Variants in SYNE2 observed in about 807,000 individuals in gnomAD.
The protein encoded by SYNE2 is spectrin repeat containing nuclear envelope protein 2.
Under a neutral mutation model 856.3 loss-of-function variants are expected in SYNE2, and 431 were observed. The ratio of observed to expected loss-of-function variants is 0.50; its 90% CI spans 0.47 to 0.55. The LOEUF (loss-of-function observed/expected upper bound fraction) is 0.55, where lower values mean the gene tolerates loss of function less well. Ranked by LOEUF, SYNE2 falls within the 20% of genes least tolerant of loss-of-function variation. The pLI is 0.00. For synonymous variants in SYNE2, 2,923 were observed against 2,872.3 expected (o/e 1.02, Z -0.56); for missense variants, 8,129 against 8,023.2 (o/e 1.01, Z -0.50).
Position 64,141,955 on chromosome 14 carries a change from A to G in SYNE2, c.15173A>G (p.Lys5058Arg), listed in dbSNP as rs2098142424. The G allele has an allele frequency of 6.2e-7, 1 of 1,613,930 alleles. No homozygotes were observed. The highest frequency in any genetic ancestry group is 8.5e-7 in the Non-Finnish European group (1 of 1,180,002). ...QEKLHQLQME[K>R]LPSRKAITEM... Reference sequence around the variant, plus strand: ...TTGTTCTTACAGCTTCAAATGGAGAAATTGCCGTCTCGTAAAGCAATCACA... The same window carrying G: ...TTGTTCTTACAGCTTCAAATGGAGAGATTGCCGTCTCGTAAAGCAATCACA... The change falls in exon 82 of 116, where the codon AAA (lysine) becomes AGA (arginine). Residue 5058 changes from lysine (K) to arginine (R), a missense_variant. Physicochemically the swap from Lys to Arg is conservative, Grantham distance 26 (BLOSUM62 2). Around this residue, in one of 3 missense-constraint regions of SYNE2, gnomAD observed 5,410 missense variants for 5,284.8 expected, o/e 1.02. Coordinates refer to ENST00000555002, the MANE Select transcript of SYNE2 (RefSeq NM_182914.3).
At chr14:64,185,317 A>C (rs961358687) in intron 96 of SYNE2, among the ~76,000 whole-genome samples, 8 of 152,138 alleles carry the variant, frequency 5.3e-5, no homozygotes, top group Middle Eastern at 3.2e-3. Flanking sequence ...ATTTCATTTG[A>C]CAGATAGGAG....
intron 1 of SYNE2, among the ~76,000 whole-genome samples, chr14:63,840,659 T>G (rs750899557): frequency 2.0e-5 from 3 of 152,138 alleles, no homozygotes; most frequent in Non-Finnish European, 4.4e-5. Context: ...AAAGGCATTC[T>G]GTTCATCGCC....
intron 49 of SYNE2, among the ~76,000 whole-genome samples, chr14:64,060,257 C>A (rs977593310): frequency 1.3e-5 from 2 of 152,118 alleles, no homozygotes; most frequent in African/African-American, 4.8e-5. Context: ...GTGCTGAGTC[C>A]CACCTGAAGC....
At chr14:64,038,145 G>A (rs1282806307) in intron 45 of SYNE2, among the ~76,000 whole-genome samples, 3 of 151,606 alleles carry the variant, frequency 2.0e-5, no homozygotes, top group African/African-American at 2.4e-5. Flanking sequence ...GGGCAGAGGC[G>A]CTCCTCACAT....
chr14:64,017,420 AT>A (rs1487114926), intron 33 of SYNE2, among the ~76,000 whole-genome samples, 174 bp from the exon 34 acceptor site: 1 of 147,142 alleles, frequency 6.8e-6, no homozygotes, highest in Non-Finnish European at 1.5e-5. Context: ...TTTTATTTTT[AT>A]TTTTTAAGAG....
intron 1 of SYNE2, among the ~76,000 whole-genome samples, chr14:63,801,332 C>A (rs1431526699): frequency 6.6e-6 from 1 of 152,062 alleles, no homozygotes; most frequent in Non-Finnish European, 1.5e-5. Context: ...ACTCATGTAA[C>A]CAAATACCAC....
At chr14:63,866,334 A>T (rs1385487592) in intron 1 of SYNE2, among the ~76,000 whole-genome samples, 1 of 152,228 alleles carries the variant, frequency 6.6e-6, no homozygotes, top group African/African-American at 2.4e-5. Flanking sequence ...AAGCTGGCCA[A>T]CTAAGAGAGG....
intron 1 of SYNE2, among the ~76,000 whole-genome samples, chr14:63,856,363 C>G (rs868007519): frequency 1.3e-5 from 2 of 152,200 alleles, no homozygotes; most frequent in East Asian, 3.8e-4. Flanking sequence ...CTCGCAGACT[C>G]TAACGAACCT....
intron 68 of SYNE2, among the ~76,000 whole-genome samples, chr14:64,121,591 G>A (rs541701494): frequency 6.6e-6 from 1 of 152,320 alleles, no homozygotes; most frequent in South Asian, 2.1e-4. Context: ...TGGCATGTGG[G>A]TGTTTGTGTG....
intron 96 of SYNE2, among the ~76,000 whole-genome samples, chr14:64,178,750 A>G (rs995264591): frequency 6.6e-6 from 1 of 152,102 alleles, no homozygotes; most frequent in African/African-American, 2.4e-5. Flanking sequence ...CCTGCTGTCA[A>G]TGAGATGTAG....
intron 45 of SYNE2, among the ~76,000 whole-genome samples, chr14:64,043,792 C>G (rs2097166546): frequency 6.6e-6 from 1 of 152,252 alleles, no homozygotes; most frequent in Admixed American, 6.5e-5. Context: ...GGGCGGGGCC[C>G]TCACAGAGAA....
intron 30 of SYNE2, among the ~76,000 whole-genome samples, chr14:64,006,395 C>T (rs1347297663): frequency 6.6e-6 from 1 of 152,154 alleles, no homozygotes; most frequent in South Asian, 2.1e-4. Flanking sequence ...CTTCCCCCTA[C>T]ATAAGCACAC....
rs1171637992 is a variant in SYNE2, at chr14:63,776,151, A to C, written c.-305+14165A>C. Among the ~76,000 whole-genome samples, 3 of 152,336 alleles carry C rather than the reference A, an allele frequency of 2.0e-5. No individual in the cohort carries two copies. The East Asian group carries it at 5.8e-4, about 29-fold the overall frequency. ...ATGAAAATTCCTACTGCTCTGATGA[A>C]CAGGAATGTCCAGATGATGGCAAGT... On this transcript the variant is annotated intron_variant, in intron 1 of 23. Coordinates refer to the SYNE2 transcript ENST00000674003.
chr14:63,899,003 A>C (rs2095298708), intron 1 of SYNE2, among the ~76,000 whole-genome samples: 1 of 152,184 alleles, frequency 6.6e-6, no homozygotes, highest in South Asian at 2.1e-4. Context: ...CTATATATTC[A>C]TTAAACAATT....
chr14:64,114,693 T>C (rs2097841300), intron 66 of SYNE2, among the ~76,000 whole-genome samples: 1 of 151,782 alleles, frequency 6.6e-6, no homozygotes, highest in East Asian at 1.9e-4. Flanking sequence ...TCATAGCTCA[T>C]TGCAGCCTCG....
intron 96 of SYNE2, among the ~76,000 whole-genome samples, chr14:64,182,798 A>C (rs2098464983): frequency 6.6e-6 from 1 of 152,246 alleles, no homozygotes; most frequent in Admixed American, 6.5e-5. Flanking sequence ...CTACACAGAC[A>C]CAGCAACAAT....
In SYNE2 at chr14:63,793,938, T is replaced by TA. The variant is rs71120286; in HGVS notation, c.-305+31964dup. Among the ~76,000 whole-genome samples the TA allele has an allele frequency of 8.1e-4, 120 of 147,368 alleles. 1 individual carries two copies. In the South Asian group the frequency reaches 0.016, roughly 20 times the overall value. On this transcript the variant is annotated intron_variant, in intron 1 of 23. Coordinates refer to the SYNE2 transcript ENST00000674003. Reference sequence around the variant, plus strand: ...TGGGCAACAGAATGAGACCCTGTCTTAAAAAAAAAAAAGAAAAAAGAAAGT... The same window carrying TA: ...TGGGCAACAGAATGAGACCCTGTCTTAAAAAAAAAAAAAGAAAAAAGAAAGT...
rs1209295855 is a variant in SYNE2 at position 64,128,478 on chromosome 14, G to A, written c.13944G>A (p.Gln4648=). ...YQNEIKRLYH[Q]LIKSKTSLQQ... is the part of the protein sequence containing the mutation. ...ATGAAATAAAGAGATTATATCATCAGCTCATTAAGAGTAAGACATCTTTAC... is the reference window on the plus strand; with the variant it reads ...ATGAAATAAAGAGATTATATCATCAACTCATTAAGAGTAAGACATCTTTAC... Residue 4648 remains glutamine, a synonymous_variant, in exon 74 of 116, where the codon CAG becomes CAA. Transcript: ENST00000555002. The A allele has an allele frequency of 1.9e-6, 3 of 1,596,874 alleles. No homozygotes were observed. Among genetic ancestry groups the A allele is most frequent in the East Asian group, 2.2e-5 (1 of 44,804 alleles).
intron 1 of SYNE2, among the ~76,000 whole-genome samples, chr14:63,782,384 C>T (rs1275390129): frequency 6.7e-6 from 1 of 149,790 alleles, no homozygotes; most frequent in African/African-American, 2.5e-5. Flanking sequence ...TGGAGAATCA[C>T]CTGAACCCAG....
Sources: allele counts gnomAD v4.1 joint callset (sites outside exome capture counted in the v4.1 genomes callset), GRCh38; gene constraint gnomAD v4.1.1; regional missense constraint gnomAD v4.1.1; transcripts MANE v1.5; gene names NCBI Gene and HGNC (gene_info 2026-07-23, HGNC 2026-07-21).